The following DGKB variants were observed in gnomAD, a reference collection of about 807,000 sequenced individuals.
DGKB encodes the protein 90 kDa diacylglycerol kinase.
Under a neutral mutation model 114.3 loss-of-function variants are expected in DGKB, and 67 were observed. The observed-to-expected ratio is 0.59, with a 90% CI of 0.48 to 0.72. The LOEUF is 0.72. Ranked by LOEUF, DGKB falls within the 30% of genes least tolerant of loss-of-function variation. The pLI, the probability that DGKB is intolerant of heterozygous loss-of-function variation, is 0.00. For missense variants in DGKB, 907 were observed against 975.2 expected (o/e 0.93, Z 0.93); for synonymous variants, 398 against 323.1 (o/e 1.23, Z -2.49).
chr7:14,382,066 A>G (rs1248441708), intron 21 of DGKB, among the ~76,000 whole-genome samples: 1 of 150,806 alleles, frequency 6.6e-6, no homozygotes, highest in Non-Finnish European at 1.5e-5. Flanking sequence ...TATTTACACA[A>G]ATCAATTAAG....
chr7:14,528,364 G>T (rs1026258042), intron 20 of DGKB, among the ~76,000 whole-genome samples: 1 of 152,018 alleles, frequency 6.6e-6, no homozygotes, highest in Non-Finnish European at 1.5e-5. Context: ...ACATATGGTG[G>T]TGTGAATGTC....
At chr7:14,486,100 G>A (rs1173929781) in intron 20 of DGKB, among the ~76,000 whole-genome samples, 2 of 151,942 alleles carry the variant, frequency 1.3e-5, no homozygotes, top group African/African-American at 4.8e-5. Context: ...GTTGGACATG[G>A]TCATATCACT....
At chr7:14,367,673 A>G (rs10046466) in intron 21 of DGKB, among the ~76,000 whole-genome samples, 3,366 of 152,062 alleles carry the variant, frequency 0.022, 115 homozygotes, top group African/African-American at 0.077. Context: ...CTTAAGAAAT[A>G]CCCAAGACTG....
intron 23 of DGKB, among the ~76,000 whole-genome samples, chr7:14,323,716 T>A (rs1365861171): frequency 6.6e-6 from 1 of 152,172 alleles, no homozygotes; most frequent in Non-Finnish European, 1.5e-5. Context: ...AAAGCCTACT[T>A]GGGCTTGAGT....
chr7:14,521,193 A>G lies in DGKB; in HGVS notation c.1771-42968T>C, dbSNP rs1584540307. On this transcript the variant is annotated intron_variant, in intron 20 of 25. Transcript: ENST00000402815. Reference sequence around the variant, plus strand: ...TGCCAAATGCACATTAAAACAATGTACTGGTACAAAAATAGAAGCATAGAC... The same window carrying G: ...TGCCAAATGCACATTAAAACAATGTGCTGGTACAAAAATAGAAGCATAGAC... Among the ~76,000 whole-genome samples, 2 of 152,270 alleles carry G rather than the reference A, an allele frequency of 1.3e-5. 1 individual carries two copies. Among genetic ancestry groups the G allele is most frequent in the East Asian group, 3.9e-4 (2 of 5,184 alleles).
At chr7:14,288,249 T>TAA (rs1469682047) in intron 23 of DGKB, among the ~76,000 whole-genome samples, 1 of 129,928 alleles carries the variant, frequency 7.7e-6, no homozygotes. Context: ...TTTTTTTTGT[T>TAA]AAAAGAAAAA....
At chr7:14,839,570 T>G (rs1034436958) in intron 2 of DGKB, among the ~76,000 whole-genome samples, 1 of 149,336 alleles carries the variant, frequency 6.7e-6, no homozygotes, top group African/African-American at 2.5e-5. Flanking sequence ...CTGGGCTAAT[T>G]TTTTTTTTTT....
intron 21 of DGKB, among the ~76,000 whole-genome samples, chr7:14,373,267 G>GT (rs1305934907): frequency 7.9e-5 from 12 of 152,144 alleles, no homozygotes; most frequent in Non-Finnish European, 1.6e-4. Context: ...TTACCTTGGT[G>GT]TAACGCTTCC....
At chr7:14,748,545 A>G (rs1386984278) in intron 4 of DGKB, among the ~76,000 whole-genome samples, 2 of 152,152 alleles carry the variant, frequency 1.3e-5, no homozygotes, top group Admixed American at 1.3e-4. Flanking sequence ...GAGGAGGAGC[A>G]GGAAATTGGA....
chr7:14,493,925 T>TACACACACACAC lies in DGKB; in HGVS notation c.1771-15712_1771-15701dup, dbSNP rs372780599. On this transcript the variant is annotated intron_variant, in intron 20 of 25. Transcript: ENST00000402815. Reference sequence around the variant, plus strand: ...AAATACCATGGCTATCATGGTATCATACACACACACACACACACACACACA... The same window carrying TACACACACACAC: ...AAATACCATGGCTATCATGGTATCATACACACACACACACACACACACACACACACACACACA... Among the ~76,000 whole-genome samples, 1,067 of 137,684 alleles carry TACACACACACAC rather than the reference T, an allele frequency of 7.7e-3. 15 individuals are homozygous for TACACACACACAC. Among genetic ancestry groups the TACACACACACAC allele is most frequent in the Admixed American group, 0.026 (360 of 13,624 alleles). 90.3% of individuals were successfully genotyped at this position (137,684 alleles called of 152,430 possible).
At position 14,725,225 on chromosome 7, in the gene DGKB, C is replaced by A. The variant is rs1471100512; in HGVS notation, c.323-6540G>T. 2.0e-5 allele frequency among the ~76,000 whole-genome samples: 3 copies of A among 152,054 alleles called. No homozygotes were observed. In the South Asian group the frequency reaches 6.2e-4, roughly 32 times the overall value. On this transcript the variant is annotated intron_variant, in intron 5 of 25. Coordinates refer to ENST00000402815, the MANE Select transcript of DGKB (RefSeq NM_001350709.2). ...AAAAAACTTTCTGCACTCTTCAATACAATAAAATTAACTACCTATGTCTAT... is the reference window on the plus strand; with the variant it reads ...AAAAAACTTTCTGCACTCTTCAATAAAATAAAATTAACTACCTATGTCTAT...
intron 20 of DGKB, among the ~76,000 whole-genome samples, chr7:14,509,673 G>C (rs997720285): frequency 2.0e-5 from 3 of 152,094 alleles, no homozygotes; most frequent in Admixed American, 6.5e-5. Flanking sequence ...CCAATAAATC[G>C]GGCAGAGCCC....
Position 14,510,081 on chromosome 7 carries a change from C to T in DGKB, c.1771-31856G>A, listed in dbSNP as rs530234008. 1.8e-4 allele frequency among the ~76,000 whole-genome samples: 28 copies of T among 152,210 alleles called. 1 individual carries two copies. In the South Asian group the frequency reaches 4.1e-3, roughly 23 times the overall value. ...GTCCCAGCTACTCGGGAGGCTGAGGCGGGGATCTTGTCTCAATGCTGAGGC... is the reference window on the plus strand; with the variant it reads ...GTCCCAGCTACTCGGGAGGCTGAGGTGGGGATCTTGTCTCAATGCTGAGGC... On this transcript the variant is annotated intron_variant, in intron 20 of 25. Coordinates refer to ENST00000402815, the MANE Select transcript of DGKB (RefSeq NM_001350709.2).
intron 17 of DGKB, among the ~76,000 whole-genome samples, chr7:14,601,908 C>T (rs574984906): frequency 6.6e-6 from 1 of 152,142 alleles, no homozygotes; most frequent in South Asian, 2.1e-4. Context: ...GAACCTCTCT[C>T]TATGGTCTTC....
chr7:14,706,394 T>G (rs1826237227), intron 6 of DGKB, among the ~76,000 whole-genome samples: 1 of 146,322 alleles, frequency 6.8e-6, no homozygotes, highest in Middle Eastern at 3.7e-3. Flanking sequence ...ACTGTCAACA[T>G]TAGACAGATC....
At chr7:14,391,973 T>C (rs1177547616) in intron 21 of DGKB, among the ~76,000 whole-genome samples, 1 of 152,204 alleles carries the variant, frequency 6.6e-6, no homozygotes, top group Admixed American at 6.5e-5. Flanking sequence ...TCAACATCCC[T>C]ATTAAAGTTT....
intron 13 of DGKB, among the ~76,000 whole-genome samples, chr7:14,667,254 A>G (rs1818204431): frequency 6.6e-6 from 1 of 151,966 alleles, no homozygotes; most frequent in Non-Finnish European, 1.5e-5. Context: ...AAGGTGTTCT[A>G]AAATATGAGA....
chr7:14,764,094 C>G (rs1252342584), intron 2 of DGKB, among the ~76,000 whole-genome samples: 2 of 151,806 alleles, frequency 1.3e-5, no homozygotes, highest in African/African-American at 4.8e-5. Context: ...AAGACTTTTC[C>G]TGTGCTCAGC....
rs1302527288 is a variant in DGKB, at chr7:14,170,147, AAGAAAGAAAG to A, written c.2304+6682_2304+6691del. Among the ~76,000 whole-genome samples, 174 of 37,286 alleles carry A rather than the reference AAGAAAGAAAG, an allele frequency of 4.7e-3. 8 individuals are homozygous for A. The highest frequency in any genetic ancestry group is 0.044 in the African/African-American group (153 of 3,476). The allele number at this position is 37,286 out of a possible 152,430, so 24.5% of individuals were successfully genotyped here. A position where few individuals can be genotyped will look rare whatever the true frequency, so the allele number is the denominator to read the frequency against. ...GAAACTCCATCTCAAAAAAAAAAAA[AAGAAAGAAAG>A]AAAGAAAGAAAGAAAGAAAGAAAGA... On this transcript the variant is annotated intron_variant, in intron 25 of 25. Transcript: ENST00000402815.
Sources: gnomAD v4.1 joint callset for allele counts (sites outside exome capture counted in the v4.1 genomes callset) on GRCh38, gnomAD v4.1.1 for gene constraint, MANE v1.5 for transcripts, NCBI Gene and HGNC (gene_info 2026-07-23, HGNC 2026-07-21) for gene names.